The following VTI1A variants were observed in gnomAD, a reference collection of about 807,000 sequenced individuals.
VTI1A encodes vesicle transport through interaction with t-SNAREs homolog 1A.
VTI1A carries 22 observed loss-of-function variants against 34.9 expected under a neutral mutation model. The observed-to-expected ratio is 0.63, with a 90% CI of 0.45 to 0.90. The LOEUF (loss-of-function observed/expected upper bound fraction) is 0.90. VTI1A is among the 40% of genes least tolerant of loss of function. The probability of loss-of-function intolerance (pLI) is 0.00; values close to 1 mark genes in which losing one functional copy is unlikely to be tolerated. For missense variants in VTI1A, 268 were observed against 275.6 expected (o/e 0.97, Z 0.20); for synonymous variants, 87 against 97.3 (o/e 0.89, Z 0.62).
In VTI1A at chr10:112,610,990, C is replaced by A. The variant is rs560184107; in HGVS notation, c.428-57228C>A. 9.2e-5 allele frequency among the ~76,000 whole-genome samples: 14 copies of A among 152,124 alleles called. No homozygotes were observed. The East Asian group carries it at 2.7e-3, about 29-fold the overall frequency. ...TCTAGACTGTGTGGACTGTCCAACA[C>A]GTGAAATGAAAATGTCTATCAGTTG... On this transcript the variant is annotated intron_variant, in intron 5 of 7. Transcript: ENST00000393077.
chr10:112,527,717 T>TAAC (rs1266297108), intron 4 of VTI1A, among the ~76,000 whole-genome samples: 1 of 150,108 alleles, frequency 6.7e-6, no homozygotes, highest in East Asian at 1.9e-4. Flanking sequence ...ATAATAATAA[T>TAAC]AATAATAATA....
chr10:112,761,189 G>A (rs1851452675), intron 7 of VTI1A, among the ~76,000 whole-genome samples: 1 of 152,156 alleles, frequency 6.6e-6, no homozygotes. Flanking sequence ...TCTTCTGTGA[G>A]GTGAAAAACT....
At chr10:112,586,554 AC>A (rs1356720354) in intron 5 of VTI1A, among the ~76,000 whole-genome samples, 3 of 152,332 alleles carry the variant, frequency 2.0e-5, no homozygotes, top group Non-Finnish European at 4.4e-5. Context: ...GATAATTTTG[AC>A]ATTGCATGTG....
intron 5 of VTI1A, among the ~76,000 whole-genome samples, chr10:112,632,664 G>C (rs532411220): frequency 6.6e-6 from 1 of 152,218 alleles, no homozygotes; most frequent in Admixed American, 6.5e-5. Flanking sequence ...ATAGTGTACC[G>C]GCCAGAAATA....
At chr10:112,526,939 T>C in intron 3 of VTI1A, 148 bp from the exon 4 acceptor site, 1 of 604,308 alleles carries the variant, frequency 1.7e-6, no homozygotes. Flanking sequence ...TTCAGGAACT[T>C]TACACAACTT....
intron 5 of VTI1A, among the ~76,000 whole-genome samples, chr10:112,632,664 G>A (rs532411220): frequency 3.3e-5 from 5 of 152,100 alleles, no homozygotes; most frequent in South Asian, 2.1e-4. Flanking sequence ...ATAGTGTACC[G>A]GCCAGAAATA....
chr10:112,493,084 T>G (rs1268643775), intron 3 of VTI1A, among the ~76,000 whole-genome samples: 3 of 152,208 alleles, frequency 2.0e-5, no homozygotes, highest in African/African-American at 7.2e-5. Context: ...TGGGAGAAAT[T>G]GCTATCTTAA....
chr10:112,453,590 T>C (rs1446441850), intron 1 of VTI1A, among the ~76,000 whole-genome samples: 1 of 152,226 alleles, frequency 6.6e-6, no homozygotes, highest in Non-Finnish European at 1.5e-5. Context: ...CAAATTGTTT[T>C]AGCGTTGACC....
intron 5 of VTI1A, among the ~76,000 whole-genome samples, chr10:112,554,053 C>G (rs1026812674): frequency 6.6e-6 from 1 of 152,156 alleles, no homozygotes; most frequent in African/African-American, 2.4e-5. Context: ...GACTTTATTT[C>G]TCTCTTTTCC....
chr10:112,635,928 G>A (rs1846337739), intron 5 of VTI1A, among the ~76,000 whole-genome samples: 1 of 152,154 alleles, frequency 6.6e-6, no homozygotes, highest in South Asian at 2.1e-4. Flanking sequence ...GTAAAACTTG[G>A]AATAGTTTTT....
chr10:112,663,071 A>C (rs928777595), intron 5 of VTI1A, among the ~76,000 whole-genome samples: 5 of 152,338 alleles, frequency 3.3e-5, no homozygotes, highest in African/African-American at 1.2e-4. Context: ...ATGTGTGGGA[A>C]TATGTGATTT....
chr10:112,599,419 G>A (rs937174086), intron 5 of VTI1A, among the ~76,000 whole-genome samples: 28 of 152,060 alleles, frequency 1.8e-4, no homozygotes, highest in African/African-American at 6.3e-4. Context: ...TTGGATCTTC[G>A]AGCATAGCTA....
chr10:112,466,182 G>A (rs1011524962), intron 3 of VTI1A, among the ~76,000 whole-genome samples: 31 of 152,254 alleles, frequency 2.0e-4, no homozygotes, highest in African/African-American at 5.5e-4. Flanking sequence ...GGATCTTTCC[G>A]CCTCAGTTCT....
chr10:112,538,649 C>T (rs1057027725), intron 5 of VTI1A: 6 of 211,772 alleles, frequency 2.8e-5, no homozygotes, highest in South Asian at 1.4e-4. Flanking sequence ...TAGCACATGG[C>T]GCAATCTCCA....
At chr10:112,779,503 T>G (rs1298105401) in intron 7 of VTI1A, among the ~76,000 whole-genome samples, 1 of 152,232 alleles carries the variant, frequency 6.6e-6, no homozygotes, top group Non-Finnish European at 1.5e-5. Flanking sequence ...TGGGTCAGGT[T>G]ATTCTAAGCT....
intron 7 of VTI1A, among the ~76,000 whole-genome samples, chr10:112,792,277 AAAAC>A (rs530570086): frequency 6.6e-5 from 10 of 152,204 alleles, no homozygotes; most frequent in Non-Finnish European, 1.5e-4. Flanking sequence ...AATCCATCTC[AAAAC>A]AAACAAACAA....
chr10:112,700,469 T>A (rs1848972041), intron 7 of VTI1A, among the ~76,000 whole-genome samples: 1 of 152,182 alleles, frequency 6.6e-6, no homozygotes, highest in African/African-American at 2.4e-5. Context: ...TAATCAATCA[T>A]CTTTCTTGAT....
At chr10:112,597,698 T>C (rs1844715034) in intron 5 of VTI1A, among the ~76,000 whole-genome samples, 3 of 126,038 alleles carry the variant, frequency 2.4e-5, no homozygotes, top group African/African-American at 9.2e-5. Flanking sequence ...TGTCTCTTTT[T>C]TTTTTTTTTT....
At chr10:112,580,469 G>A (rs927003307) in intron 5 of VTI1A, among the ~76,000 whole-genome samples, 2 of 152,110 alleles carry the variant, frequency 1.3e-5, no homozygotes, top group Non-Finnish European at 2.9e-5. Flanking sequence ...CCATCGCAAA[G>A]GCCCAGCTGA....
Sources: allele counts gnomAD v4.1 joint callset (sites outside exome capture counted in the v4.1 genomes callset), GRCh38; gene constraint gnomAD v4.1.1; transcripts MANE v1.5; gene names NCBI Gene and HGNC (gene_info 2026-07-23, HGNC 2026-07-21).